GLYR1: variants seen among roughly 807,000 people sequenced by gnomAD.
The protein encoded by GLYR1 is glyoxylate reductase 1 homolog, also known as cytokine-like nuclear factor N-PAC.
A neutral mutation model predicts 72.7 loss-of-function variants in GLYR1; 21 were observed. That is an observed-to-expected ratio of 0.29 (90% confidence interval 0.20 to 0.42). GLYR1 has a LOEUF of 0.42. Ranked by LOEUF, GLYR1 falls within the 10% of genes least tolerant of loss-of-function variation. The probability of loss-of-function intolerance (pLI) is 1.00; values close to 1 mark genes in which losing one functional copy is unlikely to be tolerated. For synonymous variants in GLYR1, 392 were observed against 270.2 expected, an observed-to-expected ratio of 1.45 and a Z score of -4.42; for missense variants, 594 against 712.1, an observed-to-expected ratio of 0.83 and a Z score of 1.89.
chr16:4,815,673 TCTC>T (rs1033980242), intron 10 of GLYR1, among the ~76,000 whole-genome samples: 1 of 152,136 alleles, frequency 6.6e-6, no homozygotes, highest in African/African-American at 2.4e-5. Flanking sequence ...ACCAGCAAGC[TCTC>T]CTATTATGCC....
At chr16:4,842,254 A>T (rs12443682) in intron 3 of GLYR1, among the ~76,000 whole-genome samples, 1 of 150,082 alleles carries the variant, frequency 6.7e-6, no homozygotes, top group African/African-American at 2.5e-5. Flanking sequence ...AAAAAAAAAA[A>T]AACAACAACA....
At chr16:4,821,642 T>C (rs765931779) in intron 7 of GLYR1, 45 bp from the exon 8 acceptor site, 13 of 1,557,478 alleles carry the variant, frequency 8.3e-6, no homozygotes, top group Non-Finnish European at 1.2e-5. Context: ...ACTGCAGGCT[T>C]AACCAGTCTT....
chr16:4,815,647 T>C (rs1391992293), intron 10 of GLYR1, among the ~76,000 whole-genome samples: 1 of 152,228 alleles, frequency 6.6e-6, no homozygotes, highest in Non-Finnish European at 1.5e-5. Flanking sequence ...TGAGACTATG[T>C]CACTTCATAA....
chr16:4,809,934 A>G (rs1293590703), intron 15 of GLYR1, among the ~76,000 whole-genome samples: 1 of 149,192 alleles, frequency 6.7e-6, no homozygotes, highest in Admixed American at 6.6e-5. Context: ...CAAAAAAAAC[A>G]AAAAAACAAA....
At chr16:4,843,814 G>A (rs535907922) in intron 3 of GLYR1, 5 of 292,390 alleles carry the variant, frequency 1.7e-5, no homozygotes, top group East Asian at 1.4e-4. Flanking sequence ...AAATCAAACC[G>A]GCTGGGCATG....
At chr16:4,808,336 C>A (rs972219658) in intron 15 of GLYR1, among the ~76,000 whole-genome samples, 4 of 152,036 alleles carry the variant, frequency 2.6e-5, no homozygotes, top group Non-Finnish European at 5.9e-5. Context: ...ATGGCTCACG[C>A]CTGTAATCCC....
rs11865662 is a variant in GLYR1 at position 4,814,546 on chromosome 16, C to T, written c.1008G>A (p.Ala336=). The change falls in exon 11 of 16, where the codon GCG becomes GCA. Residue 336 remains alanine, a synonymous_variant. Transcript: ENST00000321919. ...ITFACVSDPK[A]AKDLVLGPSG... ...GGGAGGGGGTCCTTACGTCCTTGGC[C>T]GCCTTGGGATCCGACACGCAGGCGA... 4.0e-4 allele frequency: 651 copies of T among 1,613,388 alleles called. 2 individuals carry two copies. In the African/African-American group the frequency reaches 7.2e-3, roughly 18 times the overall value.
chr16:4,832,347 T>G (rs983147547), intron 4 of GLYR1, 126 bp from the exon 5 acceptor site: 6 of 1,159,268 alleles, frequency 5.2e-6, no homozygotes, highest in African/African-American at 1.5e-5. Context: ...ACCCTAGAAA[T>G]AGATTCTGCT....
At chr16:4,806,910 C>T (rs2083017337) in intron 15 of GLYR1, among the ~76,000 whole-genome samples, 1 of 149,654 alleles carries the variant, frequency 6.7e-6, no homozygotes, top group African/African-American at 2.5e-5. Context: ...GGGTTCACGC[C>T]ATTCTCCTGC....
intron 15 of GLYR1, among the ~76,000 whole-genome samples, chr16:4,809,534 C>A (rs896505412): frequency 6.7e-6 from 1 of 150,354 alleles, no homozygotes; most frequent in African/African-American, 2.4e-5. Flanking sequence ...ATGGAGTGAA[C>A]CCGGGAGACG....
At chr16:4,833,251 A>T (rs2084910328) in intron 3 of GLYR1, 1 of 179,458 alleles carries the variant, frequency 5.6e-6, no homozygotes, top group Non-Finnish European at 1.2e-5. Context: ...TGCTCAGGGC[A>T]GAAAGAAATC....
chr16:4,819,452 G>A (rs917468931), intron 9 of GLYR1, among the ~76,000 whole-genome samples: 6 of 152,088 alleles, frequency 3.9e-5, no homozygotes, highest in African/African-American at 1.4e-4. Context: ...AGGACTATAG[G>A]TGCATGCCAC....
Position 4,813,955 on chromosome 16 carries a change from G to A in GLYR1, c.1018-117C>T, listed in dbSNP as rs759122900. 63 of 692,450 alleles carry A rather than the reference G, an allele frequency of 9.1e-5. No individual in the cohort carries two copies. The African/African-American group carries it at 1.0e-3, about 11-fold the overall frequency. 42.9% of individuals were successfully genotyped at this position (692,450 alleles called of 1,614,324 possible). On this transcript the variant is annotated intron_variant, in intron 11 of 15. Coordinates refer to ENST00000321919, the MANE Select transcript of GLYR1 (RefSeq NM_032569.4). ...TTGGCTCATTTCCTGATTTCTATCA[G>A]CTGAAAAGGGAAGAACAATGAAATA...
chr16:4,845,252 A>T (rs1430530355), intron 2 of GLYR1, 99 bp from the exon 3 acceptor site: 1 of 779,988 alleles, frequency 1.3e-6, no homozygotes, highest in African/African-American at 1.7e-5. Flanking sequence ...CTAAGAAAAA[A>T]GTAAATTAAA....
chr16:4,843,315 T>C (rs188694473), intron 3 of GLYR1: 315 of 310,914 alleles, frequency 1.0e-3, no homozygotes, highest in Middle Eastern at 2.8e-3. Flanking sequence ...CCAACACTCC[T>C]GGCTAATTTT....
Position 4,845,057 on chromosome 16 carries a change from T to A in GLYR1, c.155+17A>T. 1 of 1,558,456 alleles carries A rather than the reference T, an allele frequency of 6.4e-7. No homozygotes were observed. The highest frequency in any genetic ancestry group is 8.9e-7 in the Non-Finnish European group (1 of 1,129,566). ...AGAAAGAAAGGCGAAGGGAGACTCC[T>A]GGTGAGTACTACTCACTGATCTTCT... On this transcript the variant is annotated intron_variant, in intron 3 of 15. Coordinates refer to ENST00000321919, the MANE Select transcript of GLYR1 (RefSeq NM_032569.4).
intron 5 of GLYR1, among the ~76,000 whole-genome samples, chr16:4,831,196 T>C (rs2084773705): frequency 6.6e-6 from 1 of 152,170 alleles, no homozygotes; most frequent in African/African-American, 2.4e-5. Context: ...TCCTCTGAAG[T>C]GCCTCTCACC....
chr16:4,815,228 C>T (rs2083563022), intron 10 of GLYR1, among the ~76,000 whole-genome samples: 1 of 151,876 alleles, frequency 6.6e-6, no homozygotes, highest in Non-Finnish European at 1.5e-5. Flanking sequence ...GCCTCAGCCT[C>T]CTGAATAGCT....
At chr16:4,837,394 G>A (rs1219949622) in intron 3 of GLYR1, among the ~76,000 whole-genome samples, 1 of 151,346 alleles carries the variant, frequency 6.6e-6, no homozygotes, top group African/African-American at 2.4e-5. Flanking sequence ...TCGTGCTACT[G>A]CACTCCAGCA....
Sources: gnomAD v4.1 joint callset for allele counts (sites outside exome capture counted in the v4.1 genomes callset) on GRCh38, gnomAD v4.1.1 for gene constraint, MANE v1.5 for transcripts, NCBI Gene and HGNC (gene_info 2026-07-23, HGNC 2026-07-21) for gene names.